Variants in MYO16 observed in about 807,000 individuals in gnomAD.
MYO16 encodes the protein myosin XVI.
MYO16 carries 94 observed loss-of-function variants against 205.3 expected under a neutral mutation model. The ratio of observed to expected loss-of-function variants is 0.46; its 90% CI spans 0.39 to 0.54. The LOEUF is 0.54. Ranked by LOEUF, MYO16 falls within the 20% of genes least tolerant of loss-of-function variation. MYO16 has a pLI of 0.00. For missense variants in MYO16, 2,315 were observed against 2,387.5 expected (o/e 0.97, Z 0.63); for synonymous variants, 988 against 954.0 (o/e 1.04, Z -0.66).
At chr13:108,660,678 G>T (rs1184991223) in intron 1 of MYO16, among the ~76,000 whole-genome samples, 1 of 152,076 alleles carries the variant, frequency 6.6e-6, no homozygotes, top group Non-Finnish European at 1.5e-5. Context: ...TATGTGTTAG[G>T]TGAGTCTCTT....
intron 1 of MYO16, among the ~76,000 whole-genome samples, chr13:108,665,454 GTCA>G (rs1363256584): frequency 6.6e-6 from 1 of 152,068 alleles, no homozygotes; most frequent in Non-Finnish European, 1.5e-5. Flanking sequence ...GTCATGATTA[GTCA>G]TCATGATACG....
intron 28 of MYO16, among the ~76,000 whole-genome samples, chr13:109,102,769 T>C (rs1889012491): frequency 6.6e-6 from 1 of 152,114 alleles, no homozygotes; most frequent in Non-Finnish European, 1.5e-5. Context: ...TTTGCTAGGA[T>C]TGCAGCTGAG....
chr13:108,649,279 C>G (rs1880895397), intron 1 of MYO16, among the ~76,000 whole-genome samples: 1 of 152,112 alleles, frequency 6.6e-6, no homozygotes. Flanking sequence ...CTGAATTGTC[C>G]CACTAGGGCC....
chr13:109,019,905 A>C lies in MYO16; in HGVS notation c.2790A>C (p.Ala930=). The C allele has an allele frequency of 6.2e-7, 1 of 1,614,034 alleles. No individual in the cohort carries two copies. Among genetic ancestry groups the C allele is most frequent in the Non-Finnish European group, 8.5e-7 (1 of 1,179,968 alleles). ...HGTAFTIMHY[A]GRVMYDVVGA... Reference sequence around the variant, plus strand: ...CAGCCTTCACCATCATGCACTACGCAGGAAGGGTAAGTGGCCAGAACTGCA... The same window carrying C: ...CAGCCTTCACCATCATGCACTACGCCGGAAGGGTAAGTGGCCAGAACTGCA... The change falls in exon 23 of 35, where the codon GCA becomes GCC. Residue 930 remains alanine, a synonymous_variant. Transcript: ENST00000457511.
intron 1 of MYO16, among the ~76,000 whole-genome samples, chr13:108,646,854 T>C (rs996228586): frequency 1.3e-5 from 2 of 152,142 alleles, no homozygotes; most frequent in Admixed American, 1.3e-4. Flanking sequence ...ATGAAACTTC[T>C]GCTTGTGTAT....
the MYO16 span, among the ~76,000 whole-genome samples, chr13:108,496,414 G>A: frequency 6.6e-6 from 1 of 152,210 alleles, no homozygotes; most frequent in African/African-American, 2.4e-5. Flanking sequence ...GAACAAAGAT[G>A]TAGAGTGAAG....
intron 3 of MYO16, among the ~76,000 whole-genome samples, chr13:108,715,915 T>C (rs1231188512): frequency 1.3e-5 from 2 of 151,970 alleles, no homozygotes; most frequent in East Asian, 3.9e-4. Context: ...AATATGTGGC[T>C]TTTTCTCTCT....
At chr13:108,629,929 T>C in intron 1 of MYO16, 57 bp downstream of exon 1, 2 of 1,464,310 alleles carry the variant, frequency 1.4e-6, no homozygotes, top group East Asian at 5.0e-5. Context: ...AGTATTATTT[T>C]GTGCAGATGC....
rs572376937 is a variant in MYO16, at chr13:108,714,592, C to CTGTGTG, written c.363+1877_363+1882dup. On this transcript the variant is annotated intron_variant, in intron 3 of 34. Coordinates refer to ENST00000457511, the MANE Select transcript of MYO16 (RefSeq NM_001198950.3). ...CTGTCACTTCTTCACGTGTGTGTGT[C>CTGTGTG]TGTGTGTGTGTGTGTGTGTGTATAT... is the stretch of plus-strand genomic sequence containing the variant. 1.6e-4 allele frequency among the ~76,000 whole-genome samples: 23 copies of CTGTGTG among 146,774 alleles called. No individual in the cohort carries two copies. In the East Asian group the frequency reaches 3.0e-3, roughly 19 times the overall value.
At chr13:109,049,217 AG>A (rs1219130708) in intron 24 of MYO16, among the ~76,000 whole-genome samples, 6 of 152,064 alleles carry the variant, frequency 3.9e-5, no homozygotes, top group African/African-American at 1.4e-4. Context: ...GTATTTATAT[AG>A]AGTGACATGA....
rs559756932 is a variant in MYO16, at chr13:108,667,827, C to T, written c.292+1678C>T. On this transcript the variant is annotated intron_variant, in intron 2 of 34. Coordinates refer to ENST00000457511, the MANE Select transcript of MYO16 (RefSeq NM_001198950.3). ...TTGGGAGGCATAGGTGGAAGACTCT[C>T]CTGAGGCCAGGAGTTTGAGACAAGC... Among the ~76,000 whole-genome samples, 4 of 152,106 alleles carry T rather than the reference C, an allele frequency of 2.6e-5. No homozygotes were observed. In the East Asian group the frequency reaches 5.8e-4, roughly 22 times the overall value.
intron 34 of MYO16, among the ~76,000 whole-genome samples, chr13:109,189,626 T>C (rs1594172297): frequency 6.6e-6 from 1 of 152,212 alleles, no homozygotes; most frequent in Non-Finnish European, 1.5e-5. Flanking sequence ...TCTGTGTACA[T>C]TGAAACCCCC....
In MYO16 at chr13:108,596,573, A is replaced by G. The variant is rs570129650; in HGVS notation, c.-39+334A>G. 3.8e-3 allele frequency among the ~76,000 whole-genome samples: 573 copies of G among 152,338 alleles called. 2 individuals carry two copies. Among genetic ancestry groups the G allele is most frequent in the Non-Finnish European group, 6.4e-3 (436 of 68,020 alleles). ...ACAAAAAAAGTGATTTTTTTCAGGT[A>G]TAAATGCTTTAGCAAAGTCTTGTGT... On this transcript the variant is annotated intron_variant, in intron 1 of 24. Transcript: ENST00000251041.
chr13:108,859,809 TA>T (rs112718205), intron 11 of MYO16, among the ~76,000 whole-genome samples: 12 of 151,820 alleles, frequency 7.9e-5, no homozygotes, highest in African/African-American at 2.9e-4. Context: ...TTGAGACTCA[TA>T]AAAAAAACCC....
At chr13:108,710,427 C>A (rs924831092) in intron 2 of MYO16, among the ~76,000 whole-genome samples, 1 of 152,162 alleles carries the variant, frequency 6.6e-6, no homozygotes, top group Non-Finnish European at 1.5e-5. Flanking sequence ...TTAAATTCAA[C>A]ATTTAGTAAC....
chr13:108,827,927 G>A (rs78071194), intron 9 of MYO16, among the ~76,000 whole-genome samples: 1,754 of 152,212 alleles, frequency 0.012, 25 homozygotes, highest in African/African-American at 0.039. Context: ...CATGGAGCCC[G>A]TGAGATAAAG....
At chr13:108,954,164 T>A (rs1175525998) in intron 16 of MYO16, among the ~76,000 whole-genome samples, 3 of 152,144 alleles carry the variant, frequency 2.0e-5, no homozygotes, top group Admixed American at 1.3e-4. Context: ...AAATGGAGGA[T>A]GGGGAGGTTT....
At chr13:108,825,282 G>C (rs1013446822) in intron 9 of MYO16, among the ~76,000 whole-genome samples, 1 of 151,726 alleles carries the variant, frequency 6.6e-6, no homozygotes, top group Non-Finnish European at 1.5e-5. Flanking sequence ...ATAGAATAAA[G>C]AACAAAATCA....
At chr13:108,718,209 ATATCT>A (rs1192994047) in intron 3 of MYO16, among the ~76,000 whole-genome samples, 1 of 152,130 alleles carries the variant, frequency 6.6e-6, no homozygotes, top group Non-Finnish European at 1.5e-5. Flanking sequence ...GCCTAGAGAA[ATATCT>A]TATTTTTAAA....
Sources: gnomAD v4.1 joint callset for allele counts (sites outside exome capture counted in the v4.1 genomes callset) on GRCh38, gnomAD v4.1.1 for gene constraint, MANE v1.5 for transcripts, NCBI Gene and HGNC (gene_info 2026-07-23, HGNC 2026-07-21) for gene names.